CCSER2: variants seen among roughly 807,000 people sequenced by gnomAD.
CCSER2 encodes coiled-coil serine rich protein 2, also known as serine-rich coiled-coil domain-containing protein 2.
A neutral mutation model predicts 92.3 loss-of-function variants in CCSER2; 46 were observed. That is an observed-to-expected ratio of 0.50 (90% CI 0.39 to 0.64). CCSER2 has a LOEUF of 0.64. CCSER2 is among the 30% of genes least tolerant of loss of function. The pLI is 0.00. For missense variants in CCSER2, 1,244 were observed against 1,238.9 expected (o/e 1.00, Z -0.06); for synonymous variants, 433 against 431.4 (o/e 1.00, Z -0.04).
intron 3 of CCSER2, among the ~76,000 whole-genome samples, chr10:84,402,742 G>A (rs889530821): frequency 5.3e-5 from 8 of 152,150 alleles, no homozygotes; most frequent in Non-Finnish European, 1.0e-4. Flanking sequence ...AGACAAATAT[G>A]TCCATTCTCA....
chr10:84,455,410 G>A (rs1289350860), intron 6 of CCSER2, among the ~76,000 whole-genome samples: 1 of 151,596 alleles, frequency 6.6e-6, no homozygotes, highest in African/African-American at 2.4e-5. Context: ...CTAGTAGCTG[G>A]GATTATAGGT....
chr10:84,385,004 A>ACACAC (rs1554838159), intron 3 of CCSER2, among the ~76,000 whole-genome samples: 6 of 145,790 alleles, frequency 4.1e-5, no homozygotes, highest in Admixed American at 1.4e-4. Flanking sequence ...ATTTACAATA[A>ACACAC]ACACACACAC....
At chr10:84,495,738 C>G (rs368727236) in intron 9 of CCSER2, among the ~76,000 whole-genome samples, 4 of 144,292 alleles carry the variant, frequency 2.8e-5, no homozygotes, top group Admixed American at 6.9e-5. Flanking sequence ...GCTCTGAAGT[C>G]TATTTGATAA....
intron 1 of CCSER2, among the ~76,000 whole-genome samples, chr10:84,342,821 C>T (rs59660480): frequency 0.12 from 18,860 of 152,204 alleles, 1,466 homozygotes; most frequent in Admixed American, 0.23. Context: ...CTTAGACCAT[C>T]ATGCCCATGT....
At chr10:84,474,900 C>T (rs1847045905) in intron 8 of CCSER2, among the ~76,000 whole-genome samples, 1 of 152,076 alleles carries the variant, frequency 6.6e-6, no homozygotes, top group African/African-American at 2.4e-5. Flanking sequence ...CAGTTGTAAA[C>T]TCAACAAGAA....
chr10:84,366,528 G>A, intron 1 of CCSER2, among the ~76,000 whole-genome samples: 1 of 152,168 alleles, frequency 6.6e-6, no homozygotes, highest in East Asian at 1.9e-4. Context: ...TTGCTGTGAA[G>A]AGAATAGAGA....
At chr10:84,510,036 C>T (rs1849270127) in intron 9 of CCSER2, among the ~76,000 whole-genome samples, 1 of 152,174 alleles carries the variant, frequency 6.6e-6, no homozygotes, top group East Asian at 1.9e-4. Context: ...ATTAGATATT[C>T]TGATTCCTCT....
rs138924084 is a variant in CCSER2 at position 84,433,909 on chromosome 10, C to G, written c.1869-4603C>G. On this transcript the variant is annotated intron_variant, in intron 5 of 9. Coordinates refer to ENST00000372088, the MANE Select transcript of CCSER2 (RefSeq NM_001284240.2). The stretch of plus-strand genomic sequence containing the variant: ...GCCTTCACCCATATCTCTAATGGTT[C>G]ATTTCTTCATATTTACCTGCCTGCC... Among the ~76,000 whole-genome samples the G allele has an allele frequency of 3.5e-3, 538 of 152,224 alleles. 3 individuals are homozygous for G. Among genetic ancestry groups the G allele is most frequent in the Non-Finnish European group, 5.5e-3 (374 of 68,014 alleles).
At chr10:84,510,893 C>T (rs1390471063) in intron 9 of CCSER2, among the ~76,000 whole-genome samples, 1 of 152,144 alleles carries the variant, frequency 6.6e-6, no homozygotes, top group African/African-American at 2.4e-5. Flanking sequence ...ATAGGTGTTT[C>T]TTATTCCTCG....
chr10:84,330,348 C>T (rs573673805), intron 1 of CCSER2, among the ~76,000 whole-genome samples: 1 of 152,298 alleles, frequency 6.6e-6, no homozygotes, highest in Admixed American at 6.5e-5. Context: ...GAATTCTCTA[C>T]CTAGTAAACA....
chr10:84,419,253 G>A (rs187715092), intron 4 of CCSER2, among the ~76,000 whole-genome samples: 151 of 151,338 alleles, frequency 1.0e-3, no homozygotes, highest in African/African-American at 3.5e-3. Flanking sequence ...GTTAGAGAGC[G>A]TATTCTAAAG....
Position 84,371,227 on chromosome 10 carries a change from CCAT to C in CCSER2, c.180_182del (p.Ser61del). On this transcript the variant is annotated inframe_deletion, in exon 2 of 10. Transcript: ENST00000372088. ...CATCAAAAATAATGGCTCTGATTGTCCATCATCTCATTCATTTAATTGGAGGAA... is the reference window on the plus strand; with the variant it reads ...CATCAAAAATAATGGCTCTGATTGTCCATCTCATTCATTTAATTGGAGGAA... The C allele has an allele frequency of 3.1e-6, 5 of 1,613,076 alleles. No individual in the cohort carries two copies. Among genetic ancestry groups the C allele is most frequent in the Non-Finnish European group, 3.4e-6 (4 of 1,179,590 alleles).
rs1393664397 is a variant in CCSER2 at position 84,513,620 on chromosome 10, A to G, written c.2497A>G (p.Asn833Asp). 6.2e-7 allele frequency: 1 copy of G among 1,609,240 alleles called. No homozygotes were observed. The highest frequency in any genetic ancestry group is 1.7e-5 in the Admixed American group (1 of 59,142). Residue 833 changes from asparagine (N) to aspartate (D), a missense_variant, in exon 10 of 10, where the codon AAC becomes GAC. Coordinates refer to ENST00000372088, the MANE Select transcript of CCSER2 (RefSeq NM_001284240.2). Reference sequence around the variant, plus strand: ...TACACACGTCTTGCACCAAGAAAGCAACTATGGTTTGGAAGAGCAGCCTTT... The same window carrying G: ...TACACACGTCTTGCACCAAGAAAGCGACTATGGTTTGGAAGAGCAGCCTTT... The part of the protein sequence containing the change: ...SFTHVLHQES[N>D]YGLEEQPFSS...
chr10:84,372,508 A>AAAT lies in CCSER2; in HGVS notation c.1417+44_1417+46dup, dbSNP rs1236463649. 4.4e-6 allele frequency: 5 copies of AAAT among 1,149,078 alleles called. No homozygotes were observed. The South Asian group carries it at 8.0e-5, about 18-fold the overall frequency. 71.2% of individuals were successfully genotyped at this position (1,149,078 alleles called of 1,614,324 possible). A position where few individuals can be genotyped will look rare whatever the true frequency, so the allele number is the denominator to read the frequency against. On this transcript the variant is annotated intron_variant, in intron 2 of 9. Transcript: ENST00000372088. ...ACCTTAAGTTTTTTTGCTTTCTTTT[A>AAAT]AATAATATAACTGAACTTACATTTA...
chr10:84,457,229 TA>T (rs1207961001), intron 6 of CCSER2, among the ~76,000 whole-genome samples: 31 of 85,846 alleles, frequency 3.6e-4, no homozygotes, highest in South Asian at 1.2e-3. Flanking sequence ...ATATTATATA[TA>T]AATATATTAT....
chr10:84,478,018 C>G (rs960164482), intron 9 of CCSER2, among the ~76,000 whole-genome samples: 5 of 152,138 alleles, frequency 3.3e-5, no homozygotes, highest in African/African-American at 1.2e-4. Flanking sequence ...GCATATGACA[C>G]TTTGAAAATA....
chr10:84,436,634 CAAA>C (rs71013322), intron 5 of CCSER2, among the ~76,000 whole-genome samples: 4 of 93,920 alleles, frequency 4.3e-5, no homozygotes, highest in Non-Finnish European at 4.3e-5. Context: ...GACTCCGTCT[CAAA>C]AAAAAAAAAA....
chr10:84,373,929 T>C (rs1381039851), intron 3 of CCSER2, 114 bp downstream of exon 3: 2 of 1,516,182 alleles, frequency 1.3e-6, no homozygotes, highest in East Asian at 4.9e-5. Flanking sequence ...CTTTGAGAAA[T>C]GGAAATTCAT....
chr10:84,363,151 T>A (rs1316528848), intron 1 of CCSER2, among the ~76,000 whole-genome samples: 2 of 144,192 alleles, frequency 1.4e-5, no homozygotes, highest in African/African-American at 5.2e-5. Flanking sequence ...CCAGCTATTT[T>A]TTTTTTTTTT....
Sources: gnomAD v4.1 joint callset for allele counts (sites outside exome capture counted in the v4.1 genomes callset) on GRCh38, gnomAD v4.1.1 for gene constraint, MANE v1.5 for transcripts, NCBI Gene and HGNC (gene_info 2026-07-23, HGNC 2026-07-21) for gene names.